The following CCSER1 variants were observed in gnomAD, a reference collection of about 807,000 sequenced individuals.
The protein encoded by CCSER1 is serine-rich coiled-coil domain-containing protein 1.
Under a neutral mutation model 82.0 loss-of-function variants are expected in CCSER1, and 41 were observed. The ratio of observed to expected loss-of-function variants is 0.50; its 90% CI spans 0.39 to 0.65. CCSER1 has a LOEUF of 0.65. Ranked by LOEUF, CCSER1 falls within the 30% of genes least tolerant of loss-of-function variation. CCSER1 has a pLI of 0.00. For synonymous variants in CCSER1, 414 were observed against 383.9 expected, an observed-to-expected ratio of 1.08 and a Z score of -0.92; for missense variants, 1,119 against 1,064.2, an observed-to-expected ratio of 1.05 and a Z score of -0.72.
At chr4:90,628,293 G>A (rs904049781) in intron 6 of CCSER1, 61 bp downstream of exon 6, 36 of 1,350,368 alleles carry the variant, frequency 2.7e-5, no homozygotes, top group African/African-American at 7.2e-5. Flanking sequence ...GTCTGCAGAC[G>A]TGGTTAGACC....
At chr4:90,278,447 T>C (rs573180164) in intron 1 of CCSER1, among the ~76,000 whole-genome samples, 7 of 152,072 alleles carry the variant, frequency 4.6e-5, no homozygotes, top group African/African-American at 1.4e-4. Flanking sequence ...CAAAGGTGGA[T>C]TGGATAAAGA....
In CCSER1 at chr4:91,573,408, T is replaced by A. The variant is rs1160537399; in HGVS notation, c.2218-25164T>A. Among the ~76,000 whole-genome samples, 4 of 152,162 alleles carry A rather than the reference T, an allele frequency of 2.6e-5. No individual in the cohort carries two copies. In the East Asian group the frequency reaches 7.7e-4, roughly 29 times the overall value. On this transcript the variant is annotated intron_variant, in intron 10 of 10. Coordinates refer to ENST00000509176, the MANE Select transcript of CCSER1 (RefSeq NM_001145065.2). ...TAGTAGTATACACAGGGGTGTAACCTCCTACTTTGCTGGAAAGTCCAAGGA... is the reference window on the plus strand; with the variant it reads ...TAGTAGTATACACAGGGGTGTAACCACCTACTTTGCTGGAAAGTCCAAGGA...
At chr4:90,232,902 T>C (rs561822049) in intron 1 of CCSER1, among the ~76,000 whole-genome samples, 51 of 151,364 alleles carry the variant, frequency 3.4e-4, no homozygotes, top group African/African-American at 1.2e-3. Flanking sequence ...ATCAGAGAAA[T>C]GCAAATCAAA....
chr4:90,528,468 T>C (rs1178173964), intron 5 of CCSER1, among the ~76,000 whole-genome samples: 2 of 152,172 alleles, frequency 1.3e-5, no homozygotes, highest in Non-Finnish European at 2.9e-5. Flanking sequence ...TGTGTTCCAA[T>C]GCTTTGGTGG....
At chr4:90,336,860 T>C (rs538122599) in intron 3 of CCSER1, among the ~76,000 whole-genome samples, 1 of 152,352 alleles carries the variant, frequency 6.6e-6, no homozygotes, top group Non-Finnish European at 1.5e-5. Context: ...CAAATCCTTC[T>C]GCATTCGTCA....
chr4:91,563,417 T>C (rs2110260193), intron 10 of CCSER1, among the ~76,000 whole-genome samples: 1 of 151,802 alleles, frequency 6.6e-6, no homozygotes, highest in South Asian at 2.1e-4. Flanking sequence ...GAATGAAGGA[T>C]GAAAATCATA....
chr4:90,847,592 G>A (rs1763371016), intron 8 of CCSER1, among the ~76,000 whole-genome samples: 1 of 151,786 alleles, frequency 6.6e-6, no homozygotes, highest in South Asian at 2.1e-4. Flanking sequence ...TACTTCACCA[G>A]ACTCATCTTT....
At chr4:91,569,038 C>T (rs1220007801) in intron 10 of CCSER1, among the ~76,000 whole-genome samples, 1 of 152,150 alleles carries the variant, frequency 6.6e-6, no homozygotes, top group Admixed American at 6.6e-5. Context: ...ATGTTCTCAC[C>T]AGGCCAAGGC....
At chr4:91,227,842 A>C (rs1344386695) in intron 10 of CCSER1, among the ~76,000 whole-genome samples, 1 of 152,020 alleles carries the variant, frequency 6.6e-6, no homozygotes, top group Non-Finnish European at 1.5e-5. Context: ...TTAAGTTGAA[A>C]TTTTGTCAGT....
At chr4:91,572,285 G>T (rs1377900609) in intron 10 of CCSER1, among the ~76,000 whole-genome samples, 2 of 152,142 alleles carry the variant, frequency 1.3e-5, no homozygotes, top group East Asian at 1.9e-4. Context: ...ATAGCAGCCT[G>T]TCCATCTCTC....
chr4:90,592,066 G>A (rs973432842), intron 5 of CCSER1, among the ~76,000 whole-genome samples: 2 of 152,048 alleles, frequency 1.3e-5, no homozygotes, highest in African/African-American at 4.8e-5. Flanking sequence ...AGAGTGTTAG[G>A]ACAAATACCT....
chr4:90,364,821 C>A (rs1380701602), intron 3 of CCSER1, among the ~76,000 whole-genome samples: 3 of 151,608 alleles, frequency 2.0e-5, no homozygotes, highest in African/African-American at 7.3e-5. Context: ...AAAAGAAAAA[C>A]ATAAAAGAGA....
intron 1 of CCSER1, among the ~76,000 whole-genome samples, chr4:90,217,673 G>A (rs1578550049): frequency 6.6e-6 from 1 of 152,086 alleles, no homozygotes; most frequent in African/African-American, 2.4e-5. Context: ...GTCTTGTTCT[G>A]GTTCTCAAGG....
chr4:90,962,891 G>A (rs576263921), intron 9 of CCSER1, among the ~76,000 whole-genome samples: 1 of 151,884 alleles, frequency 6.6e-6, no homozygotes, highest in Non-Finnish European at 1.5e-5. Context: ...GTCACTCTAG[G>A]CAATTTATCA....
At chr4:90,506,319 G>C (rs1560628786) in intron 5 of CCSER1, among the ~76,000 whole-genome samples, 1 of 152,086 alleles carries the variant, frequency 6.6e-6, no homozygotes, top group South Asian at 2.1e-4. Context: ...TTCATGTCAT[G>C]AGCAAAATTC....
chr4:90,382,915 G>A (rs1057502700), intron 3 of CCSER1, among the ~76,000 whole-genome samples: 2 of 152,140 alleles, frequency 1.3e-5, no homozygotes, highest in African/African-American at 4.8e-5. Context: ...AACACCGTGT[G>A]TTATTGCACA....
chr4:91,003,094 G>A lies in CCSER1; in HGVS notation c.2172+79647G>A, dbSNP rs570536106. Among the ~76,000 whole-genome samples, 37 of 152,316 alleles carry A rather than the reference G, an allele frequency of 2.4e-4. 1 individual carries two copies. Among genetic ancestry groups the A allele is most frequent in the Admixed American group, 2.4e-3 (37 of 15,298 alleles). On this transcript the variant is annotated intron_variant, in intron 9 of 10. Transcript: ENST00000509176. ...GGTTGTCTGCACAGAGTCCTGTGAT[G>A]TGAACCATCTGCAGGTCTCATAGCC...
intron 4 of CCSER1, among the ~76,000 whole-genome samples, chr4:90,449,565 C>T (rs993847828): frequency 3.9e-5 from 6 of 152,182 alleles, no homozygotes; most frequent in African/African-American, 1.4e-4. Flanking sequence ...TGTGAGCTGC[C>T]CACAACCCTT....
intron 9 of CCSER1, among the ~76,000 whole-genome samples, chr4:90,933,132 AGTGT>A (rs536402295): frequency 0.089 from 6,260 of 70,048 alleles, 469 homozygotes; most frequent in South Asian, 0.17. Context: ...GTTACCTAGA[AGTGT>A]GTGTGTGTGT....
Sources: allele counts gnomAD v4.1 joint callset (sites outside exome capture counted in the v4.1 genomes callset), GRCh38; gene constraint gnomAD v4.1.1; transcripts MANE v1.5; gene names NCBI Gene and HGNC (gene_info 2026-07-23, HGNC 2026-07-21).